Variants in FMN2 observed in about 807,000 individuals in gnomAD.
FMN2 encodes formin 2.
Under a neutral mutation model 142.3 loss-of-function variants are expected in FMN2, and 51 were observed. The ratio of observed to expected loss-of-function variants is 0.36; its 90% CI spans 0.29 to 0.45. The LOEUF (loss-of-function observed/expected upper bound fraction) is 0.45, where lower values mean the gene tolerates loss of function less well. Among genes scored for constraint, FMN2 ranks in the 20% least tolerant of loss-of-function variants. The probability of loss-of-function intolerance (pLI) is 1.00; values close to 1 mark genes in which losing one functional copy is unlikely to be tolerated. For missense variants in FMN2, 1,936 were observed against 2,122.8 expected (o/e 0.91, Z 1.73); for synonymous variants, 882 against 869.8 (o/e 1.01, Z -0.25).
chr1:240,420,839 A>G (rs778256851), intron 15 of FMN2, among the ~76,000 whole-genome samples: 3 of 152,170 alleles, frequency 2.0e-5, no homozygotes, highest in Non-Finnish European at 4.4e-5. Context: ...CTCGCAGACT[A>G]CTTGTGCTCC....
chr1:240,290,909 G>T (rs1259217560), intron 7 of FMN2, among the ~76,000 whole-genome samples: 3 of 150,494 alleles, frequency 2.0e-5, no homozygotes, highest in Non-Finnish European at 3.0e-5. Context: ...TACCTCCCGG[G>T]TTCAAGTGAT....
At chr1:240,468,809 A>G (rs1230304341) in intron 16 of FMN2, among the ~76,000 whole-genome samples, 2 of 152,128 alleles carry the variant, frequency 1.3e-5, no homozygotes. Flanking sequence ...CGTAAACCAA[A>G]TGGAGAGCCC....
intron 4 of FMN2, among the ~76,000 whole-genome samples, chr1:240,190,162 A>G (rs1231819704): frequency 6.6e-6 from 1 of 152,192 alleles, no homozygotes; most frequent in Non-Finnish European, 1.5e-5. Flanking sequence ...CAGAAAACCT[A>G]ATGGAGTAGG....
At chr1:240,163,328 C>T (rs1664354434) in intron 2 of FMN2, among the ~76,000 whole-genome samples, 1 of 152,156 alleles carries the variant, frequency 6.6e-6, no homozygotes, top group African/African-American at 2.4e-5. Flanking sequence ...TGTTTGTGGA[C>T]ATGTGTTTTT....
chr1:240,228,326 AAAAAAAGAAAAAGAAAAAGAAAAAGAAAG>A lies in FMN2; in HGVS notation c.4065+17098_4065+17126del, dbSNP rs1423532163. Among the ~76,000 whole-genome samples the A allele has an allele frequency of 5.5e-5, 5 of 91,742 alleles. 1 individual carries two copies. Among genetic ancestry groups the A allele is most frequent in the Non-Finnish European group, 8.1e-5 (4 of 49,568 alleles). 60.2% of individuals were successfully genotyped at this position (91,742 alleles called of 152,430 possible). On this transcript the variant is annotated intron_variant, in intron 6 of 17. Coordinates refer to ENST00000319653, the MANE Select transcript of FMN2 (RefSeq NM_020066.5). Reference sequence around the variant, plus strand: ...CTCAAAAAAAAAAAAAAAAAAAAAAAAAAAAAGAAAAAGAAAAAGAAAAAGAAAGAAAAAAAATGGGCAAAAGGTTTCAG... The same window carrying A: ...CTCAAAAAAAAAAAAAAAAAAAAAAAAAAAAAAATGGGCAAAAGGTTTCAG...
chr1:240,450,818 A>T (rs1480292362), intron 16 of FMN2, among the ~76,000 whole-genome samples: 1 of 152,200 alleles, frequency 6.6e-6, no homozygotes, highest in Admixed American at 6.5e-5. Context: ...TTACAGAGGG[A>T]GGGTCATCCT....
chr1:240,354,437 T>A (rs1672198310), intron 13 of FMN2, among the ~76,000 whole-genome samples: 1 of 152,122 alleles, frequency 6.6e-6, no homozygotes, highest in Non-Finnish European at 1.5e-5. Flanking sequence ...TTTAGAGAAG[T>A]CTGTGAGGAA....
intron 8 of FMN2, among the ~76,000 whole-genome samples, chr1:240,310,956 A>G (rs1572180561): frequency 1.3e-5 from 2 of 152,152 alleles, no homozygotes; most frequent in Non-Finnish European, 2.9e-5. Flanking sequence ...TTAAGTATTC[A>G]ACCAGACCAA....
At chr1:240,316,682 A>G (rs561389981) in intron 8 of FMN2, among the ~76,000 whole-genome samples, 4 of 152,142 alleles carry the variant, frequency 2.6e-5, no homozygotes, top group Non-Finnish European at 5.9e-5. Context: ...TGATGAACAG[A>G]TTTGGGGACA....
At chr1:240,291,212 A>G (rs1308339865) in intron 7 of FMN2, among the ~76,000 whole-genome samples, 3 of 152,230 alleles carry the variant, frequency 2.0e-5, no homozygotes, top group South Asian at 2.1e-4. Context: ...TTTGACAAAT[A>G]AGTGAATAAT....
chr1:240,183,415 AAT>A lies in FMN2; in HGVS notation c.1931-4783_1931-4782del, dbSNP rs781489041. Among the ~76,000 whole-genome samples, 14 of 147,966 alleles carry A rather than the reference AAT, an allele frequency of 9.5e-5. No homozygotes were observed. The South Asian group carries it at 2.3e-3, about 24-fold the overall frequency. On this transcript the variant is annotated intron_variant, in intron 3 of 17. Coordinates refer to ENST00000319653, the MANE Select transcript of FMN2 (RefSeq NM_020066.5). ...TTTTCAACATGTAAATATATAATAT[AAT>A]ATATATATTATATGATTAGGTTATG... is the stretch of plus-strand genomic sequence containing the variant.
At chr1:240,396,344 G>T (rs921600776) in intron 15 of FMN2, among the ~76,000 whole-genome samples, 1 of 144,068 alleles carries the variant, frequency 6.9e-6, no homozygotes, top group Admixed American at 6.9e-5. Context: ...GTGTGTGTGT[G>T]TAAAGAAAGA....
At chr1:240,158,180 C>T (rs866875708) in intron 2 of FMN2, among the ~76,000 whole-genome samples, 3 of 151,852 alleles carry the variant, frequency 2.0e-5, no homozygotes, top group South Asian at 4.2e-4. Context: ...TTAATCCAGC[C>T]GGAATGCCAA....
chr1:240,095,670 G>A (rs1661172306), intron 1 of FMN2, among the ~76,000 whole-genome samples: 1 of 152,034 alleles, frequency 6.6e-6, no homozygotes, highest in South Asian at 2.1e-4. Flanking sequence ...AAGAGGACTT[G>A]AGAGAGGAGG....
At chr1:240,146,393 CAAAAA>C (rs71170704) in intron 2 of FMN2, among the ~76,000 whole-genome samples, 5 of 99,430 alleles carry the variant, frequency 5.0e-5, no homozygotes, top group South Asian at 3.4e-4. Context: ...GACTCTGTCT[CAAAAA>C]AAAAAAAAAA....
chr1:240,098,248 C>A (rs2103170289), intron 1 of FMN2, among the ~76,000 whole-genome samples: 1 of 151,918 alleles, frequency 6.6e-6, no homozygotes, highest in East Asian at 1.9e-4. Flanking sequence ...ATTATAGGCG[C>A]CCATGACCAC....
intron 2 of FMN2, among the ~76,000 whole-genome samples, chr1:240,149,483 A>G (rs1049312510): frequency 5.3e-5 from 8 of 152,288 alleles, no homozygotes; most frequent in Admixed American, 6.5e-5. Flanking sequence ...ATTTTATTGC[A>G]GTGTTGATTT....
Position 240,170,989 on chromosome 1 carries a change from G to A in FMN2, c.1783-6932G>A, listed in dbSNP as rs1454818848. The A allele has an allele frequency of 1.9e-5, 15 of 806,488 alleles. No individual in the cohort carries two copies. In the African/African-American group the frequency reaches 2.5e-4, roughly 14 times the overall value. The allele number at this position is 806,488 out of a possible 1,614,324, so 50.0% of individuals were successfully genotyped here. A position where few individuals can be genotyped will look rare whatever the true frequency, so the allele number is the denominator to read the frequency against. On this transcript the variant is annotated intron_variant, in intron 2 of 17. Transcript: ENST00000319653. ...CTTTGAATGTATTAGGAATGTCAAG[G>A]TCGTGAGAGCAGCACTTGAGGCATG...
At chr1:240,183,454 T>G (rs1665236481) in intron 3 of FMN2, among the ~76,000 whole-genome samples, 1 of 148,124 alleles carries the variant, frequency 6.8e-6, no homozygotes, top group South Asian at 2.1e-4. Flanking sequence ...TTATATAATA[T>G]AATATATATA....
Sources: allele counts gnomAD v4.1 joint callset (sites outside exome capture counted in the v4.1 genomes callset), GRCh38; gene constraint gnomAD v4.1.1; transcripts MANE v1.5; gene names NCBI Gene and HGNC (gene_info 2026-07-23, HGNC 2026-07-21).